SLC6A19: variants seen among roughly 807,000 people sequenced by gnomAD.
SLC6A19 encodes the protein solute carrier family 6 member 19, also known as sodium-dependent neutral amino acid transporter B(0)AT1.
Under a neutral mutation model 68.3 loss-of-function variants are expected in SLC6A19, and 67 were observed. The ratio of observed to expected loss-of-function variants is 0.98; its 90% CI spans 0.81 to 1.20. The LOEUF (loss-of-function observed/expected upper bound fraction) is 1.20. Among genes scored for constraint, SLC6A19 ranks in the 50% most tolerant of loss-of-function variants. SLC6A19 has a pLI of 0.00. For synonymous variants in SLC6A19, 392 were observed against 374.9 expected (o/e 1.05, Z -0.53); for missense variants, 813 against 851.6 (o/e 0.95, Z 0.56).
chr5:1,217,019 G>A (rs1746230861), intron 8 of SLC6A19, 74 bp downstream of exon 8: 1 of 1,605,442 alleles, frequency 6.2e-7, no homozygotes, highest in Non-Finnish European at 8.5e-7. Context: ...CCACCCCTGG[G>A]CCCCTGGCCT....
At chr5:1,210,346 A>G (rs1365884384) in intron 2 of SLC6A19, 98 bp from the exon 3 acceptor site, 1 of 1,547,216 alleles carries the variant, frequency 6.5e-7, no homozygotes, top group Non-Finnish European at 8.7e-7. Flanking sequence ...TCCCAGCCAC[A>G]CCCTGTGCCA....
chr5:1,219,742 G>A, intron 10 of SLC6A19, 78 bp downstream of exon 10: 1 of 1,589,626 alleles, frequency 6.3e-7, no homozygotes, highest in South Asian at 1.1e-5. Context: ...GGAGGACCCG[G>A]GCTGTGTTCA....
In SLC6A19 at chr5:1,208,876, G is replaced by C; in HGVS notation, c.333G>C (p.Leu111=). 1 of 1,612,082 alleles carries C rather than the reference G, an allele frequency of 6.2e-7. No individual in the cohort carries two copies. Among genetic ancestry groups the C allele is most frequent in the African/African-American group, 1.3e-5 (1 of 75,044 alleles). The change falls in exon 2 of 12, where the codon CTG becomes CTC. Residue 111 remains leucine (L), a synonymous_variant. Transcript: ENST00000304460. ...TGTGGAGCTCCATCCACCCGGCCCT[G>C]AAGGGCCTAGGTGAGTGCCTCGGAG... is the stretch of plus-strand genomic sequence containing the variant. ...LGVWSSIHPA[L]KGLGLASMLT... is the part of the protein sequence containing the mutation.
intron 1 of SLC6A19, 113 bp from the exon 2 acceptor site, chr5:1,208,633 T>C: frequency 1.4e-6 from 2 of 1,425,394 alleles, no homozygotes; most frequent in African/African-American, 1.4e-5. Flanking sequence ...TGTTCCCAAG[T>C]GGTGGGCCGG....
In SLC6A19 at chr5:1,221,452, G is replaced by C. The variant is rs114747160; in HGVS notation, c.1701+139G>C. On this transcript the variant is annotated intron_variant, in intron 11 of 11. Coordinates refer to ENST00000304460, the MANE Select transcript of SLC6A19 (RefSeq NM_001003841.3). ...GCACACACACTCACACTCAGGTGCA[G>C]TCCAGCCACCACCCCACGCATCTTG... The C allele has an allele frequency of 8.4e-4, 976 of 1,166,518 alleles. 4 individuals carry two copies. The African/African-American group carries it at 0.012, about 15-fold the overall frequency. 72.3% of individuals were successfully genotyped at this position (1,166,518 alleles called of 1,614,324 possible). A position where few individuals can be genotyped will look rare whatever the true frequency, so the allele number is the denominator to read the frequency against.
chr5:1,212,480 G>A lies in SLC6A19; in HGVS notation c.659G>A (p.Gly220Glu). The A allele has an allele frequency of 3.1e-6, 5 of 1,606,604 alleles. No homozygotes were observed. Among genetic ancestry groups the A allele is most frequent in the Non-Finnish European group, 2.5e-6 (3 of 1,179,842 alleles). ...MCTIRGIETT[G>E]KAVYITSTLP... ...ACCATCCGCGGCATCGAGACCACCGGGAAGGTACTGCATGGGCCCGGCCAG... is the reference window on the plus strand; with the variant it reads ...ACCATCCGCGGCATCGAGACCACCGAGAAGGTACTGCATGGGCCCGGCCAG... The change falls in exon 4 of 12, where the codon GGG (glycine) becomes GAG (glutamate). Residue 220 changes from glycine to glutamate, a missense_variant. Transcript: ENST00000304460. The surrounding 1 kb of genome is among the most constrained non-coding windows in gnomAD (Gnocchi z 5.1).
intron 8 of SLC6A19, 130 bp downstream of exon 8, chr5:1,217,075 A>C: frequency 7.0e-7 from 1 of 1,428,686 alleles, no homozygotes. Flanking sequence ...CCCAGCTCCC[A>C]CTGTCTGCTC....
intron 1 of SLC6A19, among the ~76,000 whole-genome samples, chr5:1,206,708 C>T (rs544298113): frequency 2.4e-4 from 37 of 152,198 alleles, no homozygotes; most frequent in African/African-American, 8.2e-4. Context: ...GCGGGTCACG[C>T]GTCCCTCCTG....
At position 1,220,838 on chromosome 5, in the gene SLC6A19, G is replaced by A. The variant is rs529360122; in HGVS notation, c.1539-313G>A. On this transcript the variant is annotated intron_variant, in intron 10 of 11. Transcript: ENST00000304460. The stretch of plus-strand genomic sequence containing the variant: ...GGAGAGGCTGGGGGTGTCTGGCGGC[G>A]CTCCCTCCTCCAACCCCCCATTCTG... 8.5e-5 allele frequency among the ~76,000 whole-genome samples: 13 copies of A among 152,288 alleles called. No homozygotes were observed. In the South Asian group the frequency reaches 1.2e-3, roughly 15 times the overall value.
At chr5:1,207,685 C>G (rs1026737871) in intron 1 of SLC6A19, among the ~76,000 whole-genome samples, 1 of 152,218 alleles carries the variant, frequency 6.6e-6, no homozygotes, top group African/African-American at 2.4e-5. Flanking sequence ...AACCAACTTT[C>G]AAACAAACAA....
intron 3 of SLC6A19, among the ~76,000 whole-genome samples, chr5:1,211,688 C>CT (rs1746032864): frequency 6.7e-6 from 1 of 148,902 alleles, no homozygotes; most frequent in African/African-American, 2.5e-5. Flanking sequence ...GTGCTGTGTG[C>CT]ATGTGCATGT....
At chr5:1,221,012 A>G (rs1561169946) in intron 10 of SLC6A19, 139 bp from the exon 11 acceptor site, 1 of 1,030,720 alleles carries the variant, frequency 9.7e-7, no homozygotes, top group Non-Finnish European at 1.4e-6. Context: ...CATGACCAGG[A>G]GGGAGGGATC....
At chr5:1,213,410 G>A (rs1180957937) in intron 4 of SLC6A19, 53 bp from the exon 5 acceptor site, 4 of 257,668 alleles carry the variant, frequency 1.6e-5, no homozygotes, top group African/African-American at 9.2e-5. Context: ...CGCCCCCACC[G>A]CATGCCTGGC....
rs1193575700 is a variant in SLC6A19, at chr5:1,222,389, GTGTATA to G, written c.*493_*498del. 9 of 461,770 alleles carry G rather than the reference GTGTATA, an allele frequency of 1.9e-5. No individual in the cohort carries two copies. The highest frequency in any genetic ancestry group is 1.2e-4 in the African/African-American group (6 of 51,762). The allele number at this position is 461,770 out of a possible 1,614,324, so 28.6% of individuals were successfully genotyped here. Reference sequence around the variant, plus strand: ...TCGTACAATGGGTGTCCACATGCACGTGTATATGTATATCTGTGAGTGTATATACAT... The same window carrying G: ...TCGTACAATGGGTGTCCACATGCACGTGTATATCTGTGAGTGTATATACAT... On this transcript the variant is annotated 3_prime_UTR_variant, in exon 12 of 12. Coordinates refer to ENST00000304460, the MANE Select transcript of SLC6A19 (RefSeq NM_001003841.3).
In SLC6A19 at chr5:1,214,046, T is replaced by G. The variant is rs1579514284; in HGVS notation, c.868T>G (p.Ser290Ala). ...GGCCTTCGGGGGCCTCATCTCCTTC[T>G]CCAGCTACAACTCTGTGCAGTGAGT... The part of the protein sequence containing the change: ...SLAFGGLISF[S>A]SYNSVHNNCE... The change falls in exon 6 of 12, where the codon TCC becomes GCC. Residue 290 changes from serine to alanine, a missense_variant. Coordinates refer to ENST00000304460, the MANE Select transcript of SLC6A19 (RefSeq NM_001003841.3). This position sits in a 1 kb window ranked among gnomAD's most constrained non-coding sequence, Gnocchi z 7.4. 3 of 1,613,844 alleles carry G rather than the reference T, an allele frequency of 1.9e-6. No homozygotes were observed. Among genetic ancestry groups the G allele is most frequent in the East Asian group, 4.5e-5 (2 of 44,878 alleles).
At chr5:1,206,644 G>A (rs867176060) in intron 1 of SLC6A19, among the ~76,000 whole-genome samples, 3 of 152,158 alleles carry the variant, frequency 2.0e-5, no homozygotes, top group African/African-American at 7.2e-5. Context: ...GCCCAGCCTG[G>A]GGGGCGGGAG....
Position 1,219,125 on chromosome 5 carries a change from A to T in SLC6A19, c.1378+18A>T, listed in dbSNP as rs1451540182. ...GCTCACAGGTACGTGTGCAGTCGGG[A>T]GGGGTCCCCATGGCAATGGTGCCAC... On this transcript the variant is annotated intron_variant, in intron 9 of 11. Coordinates refer to ENST00000304460, the MANE Select transcript of SLC6A19 (RefSeq NM_001003841.3). The T allele has an allele frequency of 6.2e-7, 1 of 1,600,328 alleles. No homozygotes were observed. The highest frequency in any genetic ancestry group is 8.5e-7 in the Non-Finnish European group (1 of 1,173,928).
chr5:1,213,893 TCCC>T, intron 5 of SLC6A19, 57 bp from the exon 6 acceptor site: 8 of 439,460 alleles, frequency 1.8e-5, no homozygotes, highest in Non-Finnish European at 2.7e-5. Flanking sequence ...GAGCACACCC[TCCC>T]AGGTCCCCAT....
intron 8 of SLC6A19, among the ~76,000 whole-genome samples, chr5:1,218,047 G>A (rs992748216): frequency 2.7e-4 from 40 of 150,508 alleles, no homozygotes; most frequent in Non-Finnish European, 2.5e-4. Flanking sequence ...GCCTCCTCCC[G>A]CCTCCTCCCA....
Sources: gnomAD v4.1 joint callset for allele counts (sites outside exome capture counted in the v4.1 genomes callset) on GRCh38, gnomAD v4.1.1 for gene constraint, Gnocchi (gnomAD v3.1) non-coding constraint, MANE v1.5 for transcripts, NCBI Gene and HGNC (gene_info 2026-07-23, HGNC 2026-07-21) for gene names.